Variants in POMT1 observed in about 807,000 individuals in gnomAD.
POMT1 encodes the protein protein O-mannosyl-transferase 1.
In POMT1, 85 loss-of-function variants were observed where a neutral mutation model predicts 101.6. That is an observed-to-expected ratio of 0.84 (90% CI 0.70 to 1.00). The LOEUF is 1.00. POMT1 is among the 50% of genes least tolerant of loss of function. The probability of loss-of-function intolerance (pLI) is 0.00; values close to 1 mark genes in which losing one functional copy is unlikely to be tolerated. For missense variants in POMT1, 857 were observed against 930.4 expected, an observed-to-expected ratio of 0.92 and a Z score of 1.03; for synonymous variants, 371 against 383.0, an observed-to-expected ratio of 0.97 and a Z score of 0.37.
chr9:131,511,594 G>C (rs1947126885), intron 10 of POMT1, 127 bp downstream of exon 10: 1 of 1,305,044 alleles, frequency 7.7e-7, no homozygotes, highest in Non-Finnish European at 1.1e-6. Flanking sequence ...GAGCAGCCCG[G>C]GTGCTGATTG....
At chr9:131,515,752 C>T (rs539909494) in intron 13 of POMT1, among the ~76,000 whole-genome samples, 12 of 38,262 alleles carry the variant, frequency 3.1e-4, no homozygotes, top group Admixed American at 7.6e-4. Flanking sequence ...CTTCCTCACA[C>T]GGAGCACTTC....
rs757051194 is a variant in POMT1 at position 131,508,984 on chromosome 9, G to A, written c.501G>A (p.Val167=). 7 of 1,613,932 alleles carry A rather than the reference G, an allele frequency of 4.3e-6. No individual in the cohort carries two copies. Among genetic ancestry groups the A allele is most frequent in the Non-Finnish European group, 5.9e-6 (7 of 1,179,792 alleles). ...SVLIFFNLLA[V]LSYLKFFNCQ... ...TAATATTTTTCAATCTATTGGCCGT[G>A]TTGTCCTACCTGAAGTTCTTCAACT... is the stretch of plus-strand genomic sequence containing the variant. Residue 167 remains valine (V), a synonymous_variant, in exon 6 of 20, where the codon GTG becomes GTA. Transcript: ENST00000402686.
At chr9:131,510,443 C>G in intron 9 of POMT1, 28 bp downstream of exon 9, 1 of 1,606,356 alleles carries the variant, frequency 6.2e-7, no homozygotes, top group South Asian at 1.1e-5. Flanking sequence ...ATCGTGGCCA[C>G]TGGAGAAGGA....
intron 12 of POMT1, 114 bp from the exon 13 acceptor site, chr9:131,515,312 A>G (rs986347540): frequency 2.4e-5 from 26 of 1,079,846 alleles, no homozygotes; most frequent in Non-Finnish European, 3.7e-5. Context: ...GCCACCCCTT[A>G]TGGCTGAGCC....
chr9:131,523,068 TG>T lies in POMT1; in HGVS notation c.2142del (p.Trp714Ter). ...LSPHELKALR[W>X]KDSWDILIRK... ...GCCACATGAACTCAAGGCCCTTCGCTGGAAAGACAGCTGGGACATCTTGATC... is the reference window on the plus strand; with the variant it reads ...GCCACATGAACTCAAGGCCCTTCGCTGAAAGACAGCTGGGACATCTTGATC... On this transcript the variant is annotated frameshift_variant, in exon 20 of 20. Coordinates refer to ENST00000402686, the MANE Select transcript of POMT1 (RefSeq NM_001077365.2). LOFTEE classifies it high-confidence loss of function. 1 of 1,611,586 alleles carries T rather than the reference TG, an allele frequency of 6.2e-7. No homozygotes were observed. Among genetic ancestry groups the T allele is most frequent in the East Asian group, 2.2e-5 (1 of 44,874 alleles).
chr9:131,514,162 C>G (rs151277620), intron 12 of POMT1, among the ~76,000 whole-genome samples: 1 of 152,326 alleles, frequency 6.6e-6, no homozygotes, highest in East Asian at 1.9e-4. Context: ...TTCCTTCTCC[C>G]TCTACTCCCA....
Position 131,519,520 on chromosome 9 carries a change from G to A in POMT1, c.1584+34G>A, listed in dbSNP as rs187256896. The A allele has an allele frequency of 1.1e-4, 175 of 1,542,008 alleles. No individual in the cohort carries two copies. The highest frequency in any genetic ancestry group is 6.7e-4 in the Middle Eastern group (4 of 5,982). ...CGGCCAGGGGAAGCTGGCCTAGCTC[G>A]CTGAGCATTGACTCCTCAGCAGGGA... On this transcript the variant is annotated intron_variant, in intron 16 of 19. Coordinates refer to ENST00000402686, the MANE Select transcript of POMT1 (RefSeq NM_001077365.2). The surrounding 1 kb of genome is among the most constrained non-coding windows in gnomAD (Gnocchi z 4.3).
chr9:131,515,539 C>CTAT lies in POMT1; in HGVS notation c.1272+18_1272+20dup. The CTAT allele has an allele frequency of 1.2e-6, 2 of 1,603,628 alleles. No individual in the cohort carries two copies. The highest frequency in any genetic ancestry group is 8.5e-7 in the Non-Finnish European group (1 of 1,171,682). On this transcript the variant is annotated intron_variant, in intron 13 of 19. Coordinates refer to ENST00000402686, the MANE Select transcript of POMT1 (RefSeq NM_001077365.2). The stretch of plus-strand genomic sequence containing the variant: ...TGGAGACTGGTGAGTAAGGCTGCGG[C>CTAT]TATAGCAGCCACAACCGTCAGTAAT...
intron 5 of POMT1, among the ~76,000 whole-genome samples, chr9:131,507,831 CCACCTCCCAGGCCTTGGCCAATTGAGAT>C: frequency 6.6e-6 from 1 of 152,356 alleles, no homozygotes; most frequent in South Asian, 2.1e-4. Context: ...CCTTGTTCCA[CCACCTCCCAGGCCTTGGCCAATTGAGAT>C]GGACTCGTGA....
intron 12 of POMT1, among the ~76,000 whole-genome samples, chr9:131,514,424 CTATG>C (rs1947843539): frequency 6.6e-6 from 1 of 152,260 alleles, no homozygotes; most frequent in South Asian, 2.1e-4. Context: ...CATGGCCCCT[CTATG>C]TAGGGGTCTG....
In POMT1 at chr9:131,502,973, G is replaced by C. The variant is rs1217649118; in HGVS notation, c.-131G>C. On this transcript the variant is annotated 5_prime_UTR_variant, in exon 1 of 20. Coordinates refer to ENST00000402686, the MANE Select transcript of POMT1 (RefSeq NM_001077365.2). ...GTTGAGCAGGGCGGTGGGTGGTGCG[G>C]AGTGCCGAGCGGCCTCACCCCCAAC... 6.6e-6 allele frequency: 1 copy of C among 152,356 alleles called. No homozygotes were observed. Among genetic ancestry groups the C allele is most frequent in the Non-Finnish European group, 1.5e-5 (1 of 68,140 alleles). The allele number at this position is 152,356 out of a possible 1,614,324, so 9.4% of individuals were successfully genotyped here. A position where few individuals can be genotyped will look rare whatever the true frequency, so the allele number is the denominator to read the frequency against.
chr9:131,523,530 C>A lies in POMT1; in HGVS notation c.*424C>A. On this transcript the variant is annotated 3_prime_UTR_variant, in exon 20 of 20. Coordinates refer to ENST00000402686, the MANE Select transcript of POMT1 (RefSeq NM_001077365.2). Reference sequence around the variant, plus strand: ...CCCAGCAACCTGAGCAAGTCCCGGCCCTGCCCTCAGCGAGCCCGGCAGGCG... The same window carrying A: ...CCCAGCAACCTGAGCAAGTCCCGGCACTGCCCTCAGCGAGCCCGGCAGGCG... 3.5e-6 allele frequency: 1 copy of A among 284,986 alleles called. No homozygotes were observed. Among genetic ancestry groups the A allele is most frequent in the South Asian group, 3.5e-5 (1 of 28,202 alleles). 17.7% of individuals were successfully genotyped at this position (284,986 alleles called of 1,614,324 possible).
intron 10 of POMT1, 78 bp downstream of exon 10, chr9:131,511,545 T>G (rs1047392455): frequency 6.9e-6 from 11 of 1,583,698 alleles, no homozygotes; most frequent in Non-Finnish European, 8.6e-6. Context: ...CAACTTTCCC[T>G]TTCTTTGAGG....
Position 131,507,350 on chromosome 9 carries a change from G to A in POMT1, c.281-18G>A, listed in dbSNP as rs1182076810. On this transcript the variant is annotated intron_variant, in intron 4 of 19. Coordinates refer to ENST00000402686, the MANE Select transcript of POMT1 (RefSeq NM_001077365.2). Reference sequence around the variant, plus strand: ...TGTGCACAGTGTAGTCAGCTCTGCAGTGTGGTTGCTTTTCCAGAATACAGT... The same window carrying A: ...TGTGCACAGTGTAGTCAGCTCTGCAATGTGGTTGCTTTTCCAGAATACAGT... The A allele has an allele frequency of 6.2e-7, 1 of 1,614,056 alleles. No individual in the cohort carries two copies. Among genetic ancestry groups the A allele is most frequent in the East Asian group, 2.2e-5 (1 of 44,880 alleles).
At chr9:131,505,974 A>G (rs1165109496) in intron 2 of POMT1, 140 bp from the exon 3 acceptor site, 3 of 1,181,364 alleles carry the variant, frequency 2.5e-6, no homozygotes, top group Non-Finnish European at 3.6e-6. Flanking sequence ...GGGATGGGAA[A>G]CAATTGGGGC....
chr9:131,516,388 C>T (rs1447591789), intron 13 of POMT1, among the ~76,000 whole-genome samples: 1 of 151,884 alleles, frequency 6.6e-6, no homozygotes, highest in Non-Finnish European at 1.5e-5. Flanking sequence ...AGAACACTTC[C>T]TCACACGGAG....
At chr9:131,511,646 G>C in intron 10 of POMT1, 179 bp downstream of exon 10, 1 of 830,138 alleles carries the variant, frequency 1.2e-6, no homozygotes. Flanking sequence ...GGAGGGACTT[G>C]GCGTGTGGCA....
At chr9:131,506,474 C>T in intron 4 of POMT1, 21 bp downstream of exon 4, 1 of 1,597,778 alleles carries the variant, frequency 6.3e-7, no homozygotes, top group Non-Finnish European at 8.6e-7. Context: ...ATTTTCATTT[C>T]CCTTTTAATG....
intron 13 of POMT1, among the ~76,000 whole-genome samples, chr9:131,517,321 C>A (rs574847122): frequency 6.6e-6 from 1 of 151,982 alleles, no homozygotes; most frequent in East Asian, 1.9e-4. Flanking sequence ...GTGTTGGCCT[C>A]CCAAGCTTAG....
Sources: gnomAD v4.1 joint callset for allele counts (sites outside exome capture counted in the v4.1 genomes callset) on GRCh38, gnomAD v4.1.1 for gene constraint, Gnocchi (gnomAD v3.1) non-coding constraint, MANE v1.5 for transcripts, NCBI Gene and HGNC (gene_info 2026-07-23, HGNC 2026-07-21) for gene names.